Variants in DUOX1 observed in about 807,000 individuals in gnomAD.
The protein encoded by DUOX1 is dual oxidase 1.
A neutral mutation model predicts 181.8 loss-of-function variants in DUOX1; 134 were observed. The ratio of observed to expected loss-of-function variants is 0.74; its 90% CI spans 0.64 to 0.85. The LOEUF (loss-of-function observed/expected upper bound fraction) is 0.85, where lower values mean the gene tolerates loss of function less well. Ranked by LOEUF, DUOX1 falls within the 40% of genes least tolerant of loss-of-function variation. DUOX1 has a pLI of 0.00. For synonymous variants in DUOX1, 798 were observed against 832.5 expected (o/e 0.96, Z 0.71); for missense variants, 1,814 against 2,064.4 (o/e 0.88, Z 2.35).
At position 45,144,110 on chromosome 15, in the gene DUOX1, G is replaced by GTAGA; in HGVS notation, c.2013_2016dup (p.Gly673ArgfsTer40). On this transcript the variant is annotated frameshift_variant, in exon 17 of 34. Coordinates refer to ENST00000389037, the MANE Select transcript of DUOX1 (RefSeq NM_175940.3). LOFTEE classifies it high-confidence loss of function. ...CCTGCAGCCCGGGCAGATCCGTGTG[G>GTAGA]TAGATGGCAGGCTCACCGTGCTCCG... is the stretch of plus-strand genomic sequence containing the variant. The GTAGA allele has an allele frequency of 6.2e-7, 1 of 1,614,042 alleles. No homozygotes were observed. Among genetic ancestry groups the GTAGA allele is most frequent in the African/African-American group, 1.3e-5 (1 of 75,064 alleles).
Position 45,134,239 on chromosome 15 carries a change from C to A in DUOX1, c.237C>A (p.Ser79Arg). The part of the protein sequence containing the change: ...EPHLPNPRDL[S>R]NTISRGPAGL... ...ACCTGCCCAACCCCCGAGACCTTAG[C>A]AACACCATCTCAAGGGGCCCTGCAG... The change falls in exon 4 of 34, where the codon AGC (serine) becomes AGA (arginine). Residue 79 changes from serine (S) to arginine (R), a missense_variant. Around this residue, in one of 5 missense-constraint regions of DUOX1, gnomAD observed 320 missense variants for 313.1 expected, o/e 1.02. Transcript: ENST00000389037. 6.3e-7 allele frequency: 1 copy of A among 1,587,984 alleles called. No homozygotes were observed. The highest frequency in any genetic ancestry group is 8.6e-7 in the Non-Finnish European group (1 of 1,169,290).
Position 45,131,982 on chromosome 15 carries a change from G to A in DUOX1, c.16G>A (p.Ala6Thr). Residue 6 changes from alanine to threonine, a missense_variant, in exon 2 of 34, where the codon GCT becomes ACT. Ala to Thr is a moderately conservative substitution (Grantham distance 58). Around this residue, in one of 5 missense-constraint regions of DUOX1, gnomAD observed 320 missense variants for 313.1 expected, o/e 1.02. Transcript: ENST00000389037. MGFCLALAWTLLVGAW... is the reference protein window; with the variant it reads MGFCLTLAWTLLVGAW... The stretch of plus-strand genomic sequence containing the variant: ...TATTTTCATCATGGGCTTCTGCCTG[G>A]CTCTAGCATGGACACTTCTGGTTGG... 1 of 1,614,064 alleles carries A rather than the reference G, an allele frequency of 6.2e-7. No homozygotes were observed. The highest frequency in any genetic ancestry group is 8.5e-7 in the Non-Finnish European group (1 of 1,179,988).
chr15:45,130,357 G>C (rs1237504260), intron 1 of DUOX1, among the ~76,000 whole-genome samples: 1 of 152,200 alleles, frequency 6.6e-6, no homozygotes, highest in East Asian at 1.9e-4. Context: ...TGGGCCTGCG[G>C]GTTCTTCTCC....
In DUOX1 at chr15:45,153,497, T is replaced by C. The variant is rs373995612; in HGVS notation, c.3524+18T>C. On this transcript the variant is annotated intron_variant, in intron 26 of 33. Transcript: ENST00000389037. ...GATGATGGGTGAGTAAGTGCGAATG[T>C]GTGTGTGTGTGTGTGTGTGTGTGTG... 270 of 335,582 alleles carry C rather than the reference T, an allele frequency of 8.0e-4. 2 individuals carry two copies. The highest frequency in any genetic ancestry group is 1.2e-3 in the Non-Finnish European group (262 of 224,896). 20.8% of individuals were successfully genotyped at this position (335,582 alleles called of 1,614,324 possible).
rs778444698 is a variant in DUOX1 at position 45,160,855 on chromosome 15, T to C, written c.3721T>C (p.Phe1241Leu). Residue 1241 changes from phenylalanine (F) to leucine (L), a missense_variant, in exon 29 of 34, where the codon TTT becomes CTT. Physicochemically the swap from Phe to Leu is conservative, Grantham distance 22 (BLOSUM62 0). Coordinates refer to ENST00000389037, the MANE Select transcript of DUOX1 (RefSeq NM_175940.3). The part of the protein sequence containing the change: ...LYVLLIIHGS[F>L]ALIQLPRFHI... ...CATCTAGCTCATCATCCATGGTAGCTTTGCCCTGATCCAGCTGCCCCGTTT... is the reference window on the plus strand; with the variant it reads ...CATCTAGCTCATCATCCATGGTAGCCTTGCCCTGATCCAGCTGCCCCGTTT... 9.3e-6 allele frequency: 15 copies of C among 1,609,820 alleles called. No homozygotes were observed. In the African/African-American group the frequency reaches 1.6e-4, roughly 17 times the overall value.
Position 45,147,664 on chromosome 15 carries a change from G to A in DUOX1, c.2548+6G>A, listed in dbSNP as rs1896689812. ...CCTGGTGGTCTTCATGAAAGGTGAG[G>A]GAGGAGGGAATGATAGGAGAGGCTG... On this transcript the variant is annotated splice_donor_region_variant and intron_variant, in intron 19 of 33. Coordinates refer to ENST00000389037, the MANE Select transcript of DUOX1 (RefSeq NM_175940.3). 10 of 1,614,130 alleles carry A rather than the reference G, an allele frequency of 6.2e-6. No homozygotes were observed. The highest frequency in any genetic ancestry group is 3.3e-5 in the South Asian group (3 of 91,032).
chr15:45,151,784 A>T, intron 23 of DUOX1, 90 bp from the exon 24 acceptor site: 2 of 1,374,340 alleles, frequency 1.5e-6, no homozygotes, highest in Non-Finnish European at 2.0e-6. Flanking sequence ...GGCTTCCCTC[A>T]CTTCTGGGCG....
intron 18 of DUOX1, among the ~76,000 whole-genome samples, chr15:45,146,543 A>G (rs1896660697): frequency 6.6e-6 from 1 of 152,160 alleles, no homozygotes; most frequent in Admixed American, 6.5e-5. Flanking sequence ...CAACACAACC[A>G]CTTTTGTTGA....
In DUOX1 at chr15:45,161,984, G is replaced by T. The variant is rs763644146; in HGVS notation, c.4089+14G>T. The T allele has an allele frequency of 6.3e-7, 1 of 1,596,614 alleles. No homozygotes were observed. The highest frequency in any genetic ancestry group is 1.8e-5 in the Admixed American group (1 of 57,140). On this transcript the variant is annotated intron_variant, in intron 30 of 33. Transcript: ENST00000389037. Reference sequence around the variant, plus strand: ...AGATACCCAAAGGTACCAGACCCTGGCCAGACATGCCACATGCGCCCATAT... The same window carrying T: ...AGATACCCAAAGGTACCAGACCCTGTCCAGACATGCCACATGCGCCCATAT...
chr15:45,142,646 A>G (rs916304051), intron 15 of DUOX1, among the ~76,000 whole-genome samples: 2 of 152,068 alleles, frequency 1.3e-5, no homozygotes, highest in African/African-American at 4.8e-5. Context: ...AATCAATTGA[A>G]TCTGGGAGGC....
At chr15:45,145,946 G>A (rs1440255540) in intron 18 of DUOX1, among the ~76,000 whole-genome samples, 2 of 152,062 alleles carry the variant, frequency 1.3e-5, no homozygotes, top group East Asian at 3.9e-4. Context: ...AATACAGCAT[G>A]GTTCTCCCAC....
At chr15:45,147,692 C>T (rs756606723) in intron 19 of DUOX1, 34 bp downstream of exon 19, 2 of 1,612,140 alleles carry the variant, frequency 1.2e-6, no homozygotes, top group Non-Finnish European at 1.7e-6. Context: ...AGAGGCTGGA[C>T]AGGGGCTGAT....
rs756239895 is a variant in DUOX1 at position 45,134,228 on chromosome 15, C to G, written c.226C>G (p.Arg76Gly). Reference protein sequence around the residue: ...PLGEPHLPNPRDLSNTISRGP... With the variant: ...PLGEPHLPNPGDLSNTISRGP... ...GGGAGAACCCCACCTGCCCAACCCC[C>G]GAGACCTTAGCAACACCATCTCAAG... The change falls in exon 4 of 34, where the codon CGA becomes GGA. Residue 76 changes from arginine to glycine, a missense_variant. Physicochemically the swap from Arg to Gly is moderately radical, Grantham distance 125. Around this residue, in one of 5 missense-constraint regions of DUOX1, gnomAD observed 320 missense variants for 313.1 expected, o/e 1.02. Coordinates refer to ENST00000389037, the MANE Select transcript of DUOX1 (RefSeq NM_175940.3). 10 of 1,577,872 alleles carry G rather than the reference C, an allele frequency of 6.3e-6. No individual in the cohort carries two copies. Among genetic ancestry groups the G allele is most frequent in the Middle Eastern group, 1.7e-4 (1 of 5,842 alleles).
At position 45,135,972 on chromosome 15, in the gene DUOX1, G is replaced by C. The variant is rs560003929; in HGVS notation, c.864+24G>C. On this transcript the variant is annotated intron_variant, in intron 7 of 33. Coordinates refer to ENST00000389037, the MANE Select transcript of DUOX1 (RefSeq NM_175940.3). ...AGGTCAGCCGTCCGCGCCCCGCGAC[G>C]TCCTCCCTTCCGCGTGCAAGCCCAC... The C allele has an allele frequency of 5.8e-6, 7 of 1,213,174 alleles. No homozygotes were observed. The Admixed American group carries it at 1.6e-4, about 27-fold the overall frequency. The allele number at this position is 1,213,174 out of a possible 1,614,324, so 75.2% of individuals were successfully genotyped here.
At position 45,161,719 on chromosome 15, in the gene DUOX1, A is replaced by G. The variant is rs766132467; in HGVS notation, c.3857-19A>G. 3 of 1,610,758 alleles carry G rather than the reference A, an allele frequency of 1.9e-6. No individual in the cohort carries two copies. The South Asian group carries it at 3.3e-5, about 18-fold the overall frequency. On this transcript the variant is annotated intron_variant, in intron 29 of 33. Coordinates refer to ENST00000389037, the MANE Select transcript of DUOX1 (RefSeq NM_175940.3). Reference sequence around the variant, plus strand: ...GCTGGGTTCAGGGCAGCAGCTTCTCACCCACCATCCCTCCCCAGGAGTGAC... The same window carrying G: ...GCTGGGTTCAGGGCAGCAGCTTCTCGCCCACCATCCCTCCCCAGGAGTGAC...
At chr15:45,164,042 G>A in intron 33 of DUOX1, 124 bp downstream of exon 33, 1 of 1,424,182 alleles carries the variant, frequency 7.0e-7, no homozygotes, top group Non-Finnish European at 9.6e-7. Flanking sequence ...TGGGAGATTG[G>A]TGGGGTAATG....
rs535981598 is a variant in DUOX1, at chr15:45,152,480, C to T, written c.3388C>T (p.His1130Tyr). 2 of 1,614,162 alleles carry T rather than the reference C, an allele frequency of 1.2e-6. No individual in the cohort carries two copies. The highest frequency in any genetic ancestry group is 2.7e-5 in the African/African-American group (2 of 75,058). The change falls in exon 25 of 34, where the codon CAT (histidine) becomes TAT (tyrosine). Residue 1130 changes from histidine to tyrosine, a missense_variant. Transcript: ENST00000389037. ...GCCCTTCGACGCCGCCGTGGACTTC[C>T]ATCGCCTCATTGCCTCCACCGCCAT... ...YVPFDAAVDF[H>Y]RLIASTAIVL...
At chr15:45,147,685 G>C in intron 19 of DUOX1, 27 bp downstream of exon 19, 5 of 1,612,994 alleles carry the variant, frequency 3.1e-6, no homozygotes, top group Non-Finnish European at 4.2e-6. Context: ...TGATAGGAGA[G>C]GCTGGACAGG....
chr15:45,148,011 G>A lies in DUOX1; in HGVS notation c.2642+14G>A, dbSNP rs780319787. On this transcript the variant is annotated intron_variant, in intron 20 of 33. Coordinates refer to ENST00000389037, the MANE Select transcript of DUOX1 (RefSeq NM_175940.3). ...CAGGATGCTGAGGTTTGTTCTCTGGGACAGCCAGGAGAATGGGCCAGGGCA... is the reference window on the plus strand; with the variant it reads ...CAGGATGCTGAGGTTTGTTCTCTGGAACAGCCAGGAGAATGGGCCAGGGCA... 1.1e-5 allele frequency: 18 copies of A among 1,607,694 alleles called. No individual in the cohort carries two copies. The highest frequency in any genetic ancestry group is 2.7e-5 in the African/African-American group (2 of 74,772).
Sources: gnomAD v4.1 joint callset for allele counts (sites outside exome capture counted in the v4.1 genomes callset) on GRCh38, gnomAD v4.1.1 for gene constraint, gnomAD v4.1.1 regional missense constraint, MANE v1.5 for transcripts, NCBI Gene and HGNC (gene_info 2026-07-23, HGNC 2026-07-21) for gene names.